The following LGR5 variants were observed in gnomAD, a reference collection of about 807,000 sequenced individuals.
The protein encoded by LGR5 is leucine rich repeat containing G protein-coupled receptor 5.
Under a neutral mutation model 76.7 loss-of-function variants are expected in LGR5, and 54 were observed. That is an observed-to-expected ratio of 0.70 (90% CI 0.57 to 0.88). The LOEUF is 0.88. LGR5 is among the 40% of genes least tolerant of loss of function. LGR5 has a pLI of 0.00. For synonymous variants in LGR5, 406 were observed against 421.9 expected, an observed-to-expected ratio of 0.96 and a Z score of 0.46; for missense variants, 1,078 against 1,073.3, an observed-to-expected ratio of 1.00 and a Z score of -0.06.
rs552216612 is a variant in LGR5, at chr12:71,456,749, A to G, written c.212+16457A>G. ...TTTTAGCTAGAAATTATTAAGGACA[A>G]TCATTTCAGAGCTTTTTAGCAACCA... On this transcript the variant is annotated intron_variant, in intron 1 of 17. Transcript: ENST00000266674. Among the ~76,000 whole-genome samples the G allele has an allele frequency of 2.6e-5, 4 of 152,302 alleles. No individual in the cohort carries two copies. In the East Asian group the frequency reaches 5.8e-4, roughly 22 times the overall value.
chr12:71,490,759 C>A, intron 1 of LGR5, among the ~76,000 whole-genome samples: 1 of 152,006 alleles, frequency 6.6e-6, no homozygotes, highest in East Asian at 1.9e-4. Context: ...CAAGGCCTAA[C>A]CATCATGTTT....
At chr12:71,520,700 C>T (rs1409325113) in intron 2 of LGR5, among the ~76,000 whole-genome samples, 1 of 147,228 alleles carries the variant, frequency 6.8e-6, no homozygotes, top group East Asian at 2.0e-4. Flanking sequence ...GGGAACATCA[C>T]ACACCGGGGC....
At chr12:71,579,970 A>G (rs964108423) in intron 15 of LGR5, among the ~76,000 whole-genome samples, 2 of 152,104 alleles carry the variant, frequency 1.3e-5, no homozygotes, top group Non-Finnish European at 2.9e-5. Context: ...GCACTTTTTC[A>G]TGTTGCTACA....
chr12:71,539,302 A>G (rs949592377), intron 4 of LGR5, among the ~76,000 whole-genome samples: 5 of 152,180 alleles, frequency 3.3e-5, no homozygotes, highest in African/African-American at 1.2e-4. Context: ...ACCCATATAC[A>G]CTTGGCTTCC....
intron 1 of LGR5, among the ~76,000 whole-genome samples, chr12:71,488,013 C>G (rs1044371512): frequency 6.6e-6 from 1 of 152,110 alleles, no homozygotes; most frequent in Admixed American, 6.5e-5. Flanking sequence ...TTTTAGAAAG[C>G]CAGTTTCCTG....
At chr12:71,561,693 G>A (rs1047819205) in intron 7 of LGR5, 88 bp from the exon 8 acceptor site, 4 of 645,406 alleles carry the variant, frequency 6.2e-6, no homozygotes, top group African/African-American at 3.7e-5. Context: ...TAAAGGTTCT[G>A]ATTATTGCCA....
At chr12:71,453,283 G>C (rs1310485945) in intron 1 of LGR5, among the ~76,000 whole-genome samples, 1 of 152,098 alleles carries the variant, frequency 6.6e-6, no homozygotes, top group Admixed American at 6.6e-5. Flanking sequence ...TTTCATATTT[G>C]CACATGAGTA....
chr12:71,566,646 C>T lies in LGR5; in HGVS notation c.944C>T (p.Ala315Val), dbSNP rs1341013343. 2 of 1,612,566 alleles carry T rather than the reference C, an allele frequency of 1.2e-6. No individual in the cohort carries two copies. The highest frequency in any genetic ancestry group is 1.1e-5 in the South Asian group (1 of 91,044). ...CCTCTTTCTAGGACTCTGAATGGTG[C>T]CTCACAAATAACTGAATTTCCTGAT... is the stretch of plus-strand genomic sequence containing the variant. ...PELRTLTLNG[A>V]SQITEFPDLT... Residue 315 changes from alanine (A) to valine (V), a missense_variant, in exon 10 of 18, where the codon GCC (alanine) becomes GTC (valine). By Grantham distance (64) the Ala-to-Val change is moderately conservative. Transcript: ENST00000266674.
chr12:71,560,679 C>A (rs933827301), intron 7 of LGR5, among the ~76,000 whole-genome samples: 1 of 152,188 alleles, frequency 6.6e-6, no homozygotes, highest in African/African-American at 2.4e-5. Context: ...ATAATCCCAG[C>A]TTCTTGGAAG....
At chr12:71,511,285 G>A (rs1875144253) in intron 2 of LGR5, among the ~76,000 whole-genome samples, 1 of 152,146 alleles carries the variant, frequency 6.6e-6, no homozygotes, top group African/African-American at 2.4e-5. Flanking sequence ...CTGGACAGTG[G>A]TGCACTGGCA....
chr12:71,457,944 C>T (rs140412928), intron 1 of LGR5, among the ~76,000 whole-genome samples: 53 of 152,240 alleles, frequency 3.5e-4, no homozygotes, highest in African/African-American at 1.1e-3. Flanking sequence ...AGGAACCTGA[C>T]GCCACAGATG....
chr12:71,583,247 TAC>T (rs1879168441), intron 17 of LGR5, among the ~76,000 whole-genome samples: 1 of 152,222 alleles, frequency 6.6e-6, no homozygotes, highest in Non-Finnish European at 1.5e-5. Context: ...TTCATAATAT[TAC>T]GGAGTATTTC....
intron 1 of LGR5, among the ~76,000 whole-genome samples, chr12:71,487,541 G>A (rs1873885687): frequency 1.3e-5 from 2 of 152,010 alleles, no homozygotes; most frequent in Non-Finnish European, 1.5e-5. Flanking sequence ...CAGCCTCCCA[G>A]GTAGCTGGAG....
rs550807558 is a variant in LGR5 at position 71,475,712 on chromosome 12, C to G, written c.213-28902C>G. 2.0e-5 allele frequency among the ~76,000 whole-genome samples: 3 copies of G among 152,070 alleles called. No homozygotes were observed. In the East Asian group the frequency reaches 5.8e-4, roughly 29 times the overall value. ...TTTAAGTGTCAGGGCCTCTTGGAAC[C>G]CTAACAAAAGAAAGGTTGTGATTAA... On this transcript the variant is annotated intron_variant, in intron 1 of 17. Transcript: ENST00000266674.
intron 3 of LGR5, among the ~76,000 whole-genome samples, chr12:71,531,923 A>G (rs2137359808): frequency 6.6e-6 from 1 of 152,276 alleles, no homozygotes; most frequent in Middle Eastern, 3.4e-3. Flanking sequence ...TTATCTGAAG[A>G]AAGATATATA....
chr12:71,571,490 C>T (rs1358532599), intron 11 of LGR5, 24 bp from the exon 12 acceptor site: 2 of 1,575,706 alleles, frequency 1.3e-6, no homozygotes, highest in East Asian at 4.5e-5. Flanking sequence ...CAGATTTTCC[C>T]TTTTTGCACC....
intron 4 of LGR5, among the ~76,000 whole-genome samples, chr12:71,549,218 C>T (rs1282490841): frequency 1.3e-5 from 2 of 152,110 alleles, no homozygotes; most frequent in African/African-American, 2.4e-5. Context: ...CTCCTGTTTA[C>T]CCTTGGGGTC....
intron 1 of LGR5, among the ~76,000 whole-genome samples, chr12:71,500,065 A>T (rs1874530100): frequency 6.6e-6 from 1 of 152,134 alleles, no homozygotes. Context: ...GGATGGTGGG[A>T]AAGGGAAAAG....
intron 4 of LGR5, among the ~76,000 whole-genome samples, chr12:71,537,558 ACAAAAGGAGTGCC>A (rs757152049): frequency 1.3e-5 from 2 of 152,200 alleles, no homozygotes; most frequent in African/African-American, 2.4e-5. Flanking sequence ...TATTGTACCA[ACAAAAGGAGTGCC>A]CTACCCATAC....
Sources: allele counts gnomAD v4.1 joint callset (sites outside exome capture counted in the v4.1 genomes callset), GRCh38; gene constraint gnomAD v4.1.1; transcripts MANE v1.5; gene names NCBI Gene and HGNC (gene_info 2026-07-23, HGNC 2026-07-21).